The following ABI3BP variants were observed in gnomAD, a reference collection of about 807,000 sequenced individuals.
ABI3BP encodes the protein target of Nesh-SH3.
Under a neutral mutation model 268.6 loss-of-function variants are expected in ABI3BP, and 216 were observed. The observed-to-expected ratio is 0.80, with a 90% CI of 0.72 to 0.90. ABI3BP has a LOEUF of 0.90. ABI3BP is among the 40% of genes least tolerant of loss of function. The pLI, the probability that ABI3BP is intolerant of heterozygous loss-of-function variation, is 0.00. For missense variants in ABI3BP, 2,090 were observed against 2,182.4 expected (o/e 0.96, Z 0.84); for synonymous variants, 730 against 730.0 (o/e 1.00, Z 0.00).
At chr3:100,878,665 C>T (rs534313054) in intron 6 of ABI3BP, among the ~76,000 whole-genome samples, 3 of 152,252 alleles carry the variant, frequency 2.0e-5, no homozygotes, top group African/African-American at 4.8e-5. Context: ...TATTATAAAA[C>T]TATTACATGT....
At chr3:100,962,070 G>A (rs1443124533) in intron 1 of ABI3BP, among the ~76,000 whole-genome samples, 2 of 152,130 alleles carry the variant, frequency 1.3e-5, no homozygotes, top group Non-Finnish European at 2.9e-5. Flanking sequence ...ATAAATTCAT[G>A]GTCACTAATC....
intron 1 of ABI3BP, among the ~76,000 whole-genome samples, chr3:100,987,157 A>G (rs1035948308): frequency 2.0e-5 from 3 of 152,304 alleles, no homozygotes; most frequent in East Asian, 3.9e-4. Flanking sequence ...ATAAATTGCA[A>G]TCAGGGAACA....
In ABI3BP at chr3:100,850,053, G is replaced by T; in HGVS notation, c.1493C>A (p.Thr498Lys). The T allele has an allele frequency of 6.2e-6, 10 of 1,610,994 alleles. No homozygotes were observed. Among genetic ancestry groups the T allele is most frequent in the Non-Finnish European group, 8.5e-6 (10 of 1,178,596 alleles). ...EIFTSPEMQPTTPAPQQTTSI... is the reference protein window; with the variant it reads ...EIFTSPEMQPKTPAPQQTTSI... The stretch of plus-strand genomic sequence containing the variant: ...TAAATGTCATTAGTTACCAGGTGTC[G>T]TAGGCTGCATTTCTGGACTGGTAAA... Residue 498 changes from threonine (T) to lysine (K), a missense_variant, in exon 17 of 68, where the codon ACG becomes AAG. Coordinates refer to ENST00000471714, the MANE Select transcript of ABI3BP (RefSeq NM_001375547.2).
chr3:100,786,652 C>T (rs2097055306), intron 57 of ABI3BP, among the ~76,000 whole-genome samples: 1 of 152,102 alleles, frequency 6.6e-6, no homozygotes, highest in African/African-American at 2.4e-5. Flanking sequence ...CTGCCTTCCT[C>T]CCAAAAGGAT....
Position 100,794,408 on chromosome 3 carries a change from G to A in ABI3BP, c.3946+515C>T, listed in dbSNP as rs541319023. On this transcript the variant is annotated intron_variant, in intron 54 of 67. Transcript: ENST00000471714. ...GGTTTACATTTTAAAAAGGCATGTA[G>A]TGTATTGGGTGGCACAGAGGCTGCA... Among the ~76,000 whole-genome samples the A allele has an allele frequency of 2.6e-5, 4 of 152,016 alleles. No individual in the cohort carries two copies. The South Asian group carries it at 8.3e-4, about 31-fold the overall frequency.
At chr3:100,887,505 A>C (rs2042533453) in intron 4 of ABI3BP, among the ~76,000 whole-genome samples, 1 of 152,040 alleles carries the variant, frequency 6.6e-6, no homozygotes, top group South Asian at 2.1e-4. Flanking sequence ...ATAGGATTTG[A>C]GATGGGGTCA....
At chr3:100,837,585 C>T (rs1309027986) in intron 26 of ABI3BP, among the ~76,000 whole-genome samples, 2 of 152,014 alleles carry the variant, frequency 1.3e-5, no homozygotes, top group African/African-American at 4.8e-5. Context: ...GTGAAACCCC[C>T]GTCTCTACTA....
At chr3:100,931,402 G>C (rs901154202) in intron 1 of ABI3BP, among the ~76,000 whole-genome samples, 2 of 152,106 alleles carry the variant, frequency 1.3e-5, no homozygotes, top group African/African-American at 4.8e-5. Flanking sequence ...AATAGGAAGA[G>C]AGGAAGTCAA....
chr3:100,947,770 T>A (rs960878591), intron 1 of ABI3BP, among the ~76,000 whole-genome samples: 2 of 151,838 alleles, frequency 1.3e-5, no homozygotes, highest in African/African-American at 4.8e-5. Flanking sequence ...TAGCAAAAAC[T>A]ATGAAGCTGA....
chr3:100,832,335 G>A lies in ABI3BP; in HGVS notation c.2330C>T (p.Thr777Ile). The change falls in exon 31 of 68, where the codon ACA becomes ATA. Residue 777 changes from threonine (T) to isoleucine (I), a missense_variant. Coordinates refer to ENST00000471714, the MANE Select transcript of ABI3BP (RefSeq NM_001375547.2). ...PGTSSAPTTT[T>I]KRTRRPHPKP... ...GGGATGTGGACGACGGGTTCTTTTT[G>A]TTGTTGTTGTTGGAGCTGAAGGAAG... The A allele has an allele frequency of 2.0e-6, 3 of 1,517,300 alleles. No homozygotes were observed. The highest frequency in any genetic ancestry group is 2.6e-6 in the Non-Finnish European group (3 of 1,144,596). 94.0% of individuals were successfully genotyped at this position (1,517,300 alleles called of 1,614,324 possible).
chr3:100,779,139 GTAATTA>G (rs887019553), intron 58 of ABI3BP, among the ~76,000 whole-genome samples: 1 of 152,146 alleles, frequency 6.6e-6, no homozygotes, highest in Non-Finnish European at 1.5e-5. Flanking sequence ...GCTCTATTAT[GTAATTA>G]TAATTAAAAC....
intron 1 of ABI3BP, among the ~76,000 whole-genome samples, chr3:100,939,374 G>A (rs758806072): frequency 5.7e-5 from 8 of 139,626 alleles, no homozygotes; most frequent in South Asian, 2.4e-4. Flanking sequence ...ATTTATCGAG[G>A]AACCTGCCCC....
At chr3:100,925,586 TG>T (rs2061562582) in intron 2 of ABI3BP, among the ~76,000 whole-genome samples, 2 of 152,002 alleles carry the variant, frequency 1.3e-5, no homozygotes, top group South Asian at 4.1e-4. Context: ...GGTAAATTTT[TG>T]TATTTTTTGT....
At chr3:100,882,600 C>T (rs1581789319) in intron 6 of ABI3BP, among the ~76,000 whole-genome samples, 1 of 151,948 alleles carries the variant, frequency 6.6e-6, no homozygotes, top group East Asian at 1.9e-4. Context: ...GATACTCCAC[C>T]TCACAGCTTG....
At chr3:100,880,454 A>AT (rs1218645133) in intron 6 of ABI3BP, among the ~76,000 whole-genome samples, 1 of 152,098 alleles carries the variant, frequency 6.6e-6, no homozygotes, top group Admixed American at 6.6e-5. Context: ...CCTATAATAG[A>AT]TTTTTTTCTT....
intron 63 of ABI3BP, among the ~76,000 whole-genome samples, chr3:100,758,119 A>G (rs1559836962): frequency 1.3e-5 from 2 of 151,956 alleles, no homozygotes. Flanking sequence ...CAAAAAAAAA[A>G]CAATCTTCCC....
chr3:100,947,548 T>C (rs1227302659), intron 1 of ABI3BP, among the ~76,000 whole-genome samples: 4 of 152,138 alleles, frequency 2.6e-5, no homozygotes, highest in African/African-American at 9.7e-5. Context: ...AACTCTGAAC[T>C]TGGAAGTGAA....
At chr3:100,774,710 A>G (rs1353324974) in intron 60 of ABI3BP, 37 bp from the exon 61 acceptor site, 11 of 1,444,528 alleles carry the variant, frequency 7.6e-6, no homozygotes, top group Non-Finnish European at 1.0e-5. Flanking sequence ...TTGGCAAAAG[A>G]TAAAAAAGCT....
At chr3:100,851,570 T>C (rs2098839498) in intron 15 of ABI3BP, among the ~76,000 whole-genome samples, 1 of 152,192 alleles carries the variant, frequency 6.6e-6, no homozygotes, top group Non-Finnish European at 1.5e-5. Context: ...GACAAAACCC[T>C]CTAGAAACTC....
Sources: gnomAD v4.1 joint callset for allele counts (sites outside exome capture counted in the v4.1 genomes callset) on GRCh38, gnomAD v4.1.1 for gene constraint, MANE v1.5 for transcripts, NCBI Gene and HGNC (gene_info 2026-07-23, HGNC 2026-07-21) for gene names.